Variants in INTU observed in about 807,000 individuals in gnomAD.
INTU encodes the protein protein inturned.
Under a neutral mutation model 100.5 loss-of-function variants are expected in INTU, and 68 were observed. The ratio of observed to expected loss-of-function variants is 0.68; its 90% CI spans 0.56 to 0.83. The LOEUF (loss-of-function observed/expected upper bound fraction) is 0.83, where lower values mean the gene tolerates loss of function less well. INTU is among the 40% of genes least tolerant of loss of function. INTU has a pLI of 0.00. For missense variants in INTU, 1,071 were observed against 1,114.7 expected, an observed-to-expected ratio of 0.96 and a Z score of 0.56; for synonymous variants, 357 against 395.7, an observed-to-expected ratio of 0.90 and a Z score of 1.16.
chr4:127,640,143 A>AT (rs1727245834), intron 1 of INTU, among the ~76,000 whole-genome samples: 1 of 152,248 alleles, frequency 6.6e-6, no homozygotes, highest in Admixed American at 6.5e-5. Flanking sequence ...GGGAACTGAT[A>AT]TTTATTTGGA....
Position 127,725,214 on chromosome 4 carries a change from G to C in INTU, c.*8778G>C, listed in dbSNP as rs998049330. On this transcript the variant is annotated 3_prime_UTR_variant, in exon 16 of 16. Coordinates refer to ENST00000335251, the MANE Select transcript of INTU (RefSeq NM_015693.4). ...CCCAGCTACTTGGGAGGCTGAGGCA[G>C]GAGAATCACTTGAACCCAGGAAGCA... The C allele has an allele frequency of 1.3e-5, 2 of 152,234 alleles. No individual in the cohort carries two copies. The highest frequency in any genetic ancestry group is 4.8e-5 in the African/African-American group (2 of 41,380). The allele number at this position is 152,234 out of a possible 1,614,324, so 9.4% of individuals were successfully genotyped here. A position where few individuals can be genotyped will look rare whatever the true frequency, so the allele number is the denominator to read the frequency against.
At position 127,706,746 on chromosome 4, in the gene INTU, C is replaced by T. The variant is rs1484327313; in HGVS notation, c.2048C>T (p.Thr683Ile). ...TSPILSRLQG[T>I]SKVATSPTCR... ...CCTATTCTCAGTAGGCTACAAGGTA[C>T]TTCCAAAGTAGCAACTTCTCCAACA... The change falls in exon 12 of 16, where the codon ACT (threonine) becomes ATT (isoleucine). Residue 683 changes from threonine (T) to isoleucine (I), a missense_variant. Physicochemically the swap from Thr to Ile is moderately conservative, Grantham distance 89. Coordinates refer to ENST00000335251, the MANE Select transcript of INTU (RefSeq NM_015693.4). 6.2e-7 allele frequency: 1 copy of T among 1,614,112 alleles called. No individual in the cohort carries two copies. The highest frequency in any genetic ancestry group is 1.1e-5 in the South Asian group (1 of 91,080).
chr4:127,665,919 G>GA (rs1728676621), intron 4 of INTU, among the ~76,000 whole-genome samples: 1 of 152,150 alleles, frequency 6.6e-6, no homozygotes, highest in Non-Finnish European at 1.5e-5. Context: ...GAATACGTGG[G>GA]ATTGCTTGTG....
In INTU at chr4:127,706,592, C is replaced by T; in HGVS notation, c.1894C>T (p.Leu632Phe). 6.2e-7 allele frequency: 1 copy of T among 1,614,070 alleles called. No individual in the cohort carries two copies. The highest frequency in any genetic ancestry group is 8.5e-7 in the Non-Finnish European group (1 of 1,179,964). The change falls in exon 12 of 16, where the codon CTT becomes TTT. Residue 632 changes from leucine to phenylalanine, a missense_variant. Leu to Phe is a conservative substitution (Grantham distance 22). Coordinates refer to ENST00000335251, the MANE Select transcript of INTU (RefSeq NM_015693.4). ...ATATGTGGATCAAGTCAAAACAACT[C>T]TTCACCAGCTGGATGGAGTAGATTC... ...CVYVDQVKTT[L>F]HQLDGVDSRI...
At chr4:127,633,989 C>T (rs907684305) in intron 1 of INTU, among the ~76,000 whole-genome samples, 2 of 152,134 alleles carry the variant, frequency 1.3e-5, no homozygotes, top group African/African-American at 4.8e-5. Context: ...TCAACTAACC[C>T]AGTAATGGAC....
Position 127,633,108 on chromosome 4 carries a change from A to G in INTU, c.74A>G (p.Glu25Gly). The G allele has an allele frequency of 1.2e-6, 2 of 1,614,104 alleles. No individual in the cohort carries two copies. Among genetic ancestry groups the G allele is most frequent in the Non-Finnish European group, 1.7e-6 (2 of 1,179,962 alleles). The change falls in exon 1 of 16, where the codon GAA (glutamate) becomes GGA (glycine). Residue 25 changes from glutamate (E) to glycine (G), a missense_variant. By Grantham distance (98) the Glu-to-Gly change is moderately conservative. Coordinates refer to ENST00000335251, the MANE Select transcript of INTU (RefSeq NM_015693.4). The part of the protein sequence containing the change: ...ELPGDPSSQE[E>G]DEDYDFEDRV... ...CCTGGAGACCCCTCTTCACAAGAAG[A>G]AGATGAGGACTATGATTTTGAAGAT...
chr4:127,706,518 C>T lies in INTU; in HGVS notation c.1820C>T (p.Ala607Val), dbSNP rs772336742. 1.9e-6 allele frequency: 3 copies of T among 1,613,528 alleles called. No homozygotes were observed. The highest frequency in any genetic ancestry group is 2.5e-6 in the Non-Finnish European group (3 of 1,179,612). The change falls in exon 12 of 16, where the codon GCT becomes GTT. Residue 607 changes from alanine to valine, a missense_variant. By Grantham distance (64) the Ala-to-Val change is moderately conservative. Coordinates refer to ENST00000335251, the MANE Select transcript of INTU (RefSeq NM_015693.4). ...KHYMLCVLLE[A>V]GGCASKAIGS... ...TATATGCTATGTGTACTATTAGAAG[C>T]TGGAGGTTGCGCATCCAAAGCTATT...
chr4:127,663,567 G>C lies in INTU; in HGVS notation c.955G>C (p.Glu319Gln). The change falls in exon 4 of 16, where the codon GAA (glutamate) becomes CAA (glutamine). Residue 319 changes from glutamate to glutamine, a missense_variant. Physicochemically the swap from Glu to Gln is conservative, Grantham distance 29. Transcript: ENST00000335251. The stretch of plus-strand genomic sequence containing the variant: ...GTATCTCACACTACAGCTCGACTCA[G>C]AAACCTCAAAGGAAGAGGTGAGTGT... ...IMYLTLQLDS[E>Q]TSKEEQEILY... The C allele has an allele frequency of 6.2e-7, 1 of 1,613,078 alleles. No individual in the cohort carries two copies. The highest frequency in any genetic ancestry group is 1.1e-5 in the South Asian group (1 of 91,008).
chr4:127,646,631 C>T (rs1727601790), intron 2 of INTU, among the ~76,000 whole-genome samples: 2 of 152,212 alleles, frequency 1.3e-5, no homozygotes, highest in Admixed American at 1.3e-4. Context: ...AGCTCCCCCT[C>T]ACCTCTGGTA....
chr4:127,725,230 C>G lies in INTU; in HGVS notation c.*8794C>G, dbSNP rs1231762343. On this transcript the variant is annotated 3_prime_UTR_variant, in exon 16 of 16. Transcript: ENST00000335251. Reference sequence around the variant, plus strand: ...GCTGAGGCAGGAGAATCACTTGAACCCAGGAAGCAGAGGCTGCAGTGAGCC... The same window carrying G: ...GCTGAGGCAGGAGAATCACTTGAACGCAGGAAGCAGAGGCTGCAGTGAGCC... 6.6e-6 allele frequency: 1 copy of G among 152,138 alleles called. No individual in the cohort carries two copies. The highest frequency in any genetic ancestry group is 1.9e-4 in the East Asian group (1 of 5,196). 9.4% of individuals were successfully genotyped at this position (152,138 alleles called of 1,614,324 possible). A position where few individuals can be genotyped will look rare whatever the true frequency, so the allele number is the denominator to read the frequency against.
chr4:127,692,032 T>A (rs1730168359), intron 8 of INTU, among the ~76,000 whole-genome samples: 1 of 148,700 alleles, frequency 6.7e-6, no homozygotes, highest in Non-Finnish European at 1.5e-5. Flanking sequence ...GGTTCCATAT[T>A]TTTGTAATTG....
At chr4:127,672,364 G>A (rs543981593) in intron 5 of INTU, among the ~76,000 whole-genome samples, 1 of 151,828 alleles carries the variant, frequency 6.6e-6, no homozygotes, top group Admixed American at 6.6e-5. Flanking sequence ...ATCATATAAT[G>A]TGTGGCTATT....
In INTU at chr4:127,652,390, G is replaced by A. The variant is rs540562116; in HGVS notation, c.683-4246G>A. On this transcript the variant is annotated intron_variant, in intron 2 of 15. Coordinates refer to ENST00000335251, the MANE Select transcript of INTU (RefSeq NM_015693.4). ...GATAGCTCTTATTATTTTGAAATAC[G>A]TCCCATCAATACCTAATTTATTGAG... is the stretch of plus-strand genomic sequence containing the variant. Among the ~76,000 whole-genome samples the A allele has an allele frequency of 3.0e-3, 449 of 148,180 alleles. 16 individuals are homozygous for A. Among genetic ancestry groups the A allele is most frequent in the Admixed American group, 0.028 (418 of 14,850 alleles).
intron 6 of INTU, among the ~76,000 whole-genome samples, chr4:127,682,631 GTA>G (rs919884145): frequency 2.7e-5 from 4 of 149,188 alleles, no homozygotes; most frequent in Admixed American, 6.7e-5. Context: ...GCTTTAGGAG[GTA>G]TACCTAATGC....
Position 127,643,779 on chromosome 4 carries a change from C to G in INTU, c.405C>G (p.Asp135Glu). 6.2e-7 allele frequency: 1 copy of G among 1,614,034 alleles called. No homozygotes were observed. The highest frequency in any genetic ancestry group is 8.5e-7 in the Non-Finnish European group (1 of 1,180,006). ...PKRCNKKNSN[D>E]NGPVSILKHQ... Reference sequence around the variant, plus strand: ...GCTGCAATAAAAAAAATAGCAATGACAATGGACCAGTATCCATTCTAAAGC... The same window carrying G: ...GCTGCAATAAAAAAAATAGCAATGAGAATGGACCAGTATCCATTCTAAAGC... Residue 135 changes from aspartate to glutamate, a missense_variant, in exon 2 of 16, where the codon GAC (aspartate) becomes GAG (glutamate). Physicochemically the swap from Asp to Glu is conservative, Grantham distance 45 (BLOSUM62 2). Coordinates refer to ENST00000335251, the MANE Select transcript of INTU (RefSeq NM_015693.4).
Position 127,646,664 on chromosome 4 carries a change from G to C in INTU, c.682+2608G>C, listed in dbSNP as rs565122556. 3.9e-5 allele frequency among the ~76,000 whole-genome samples: 6 copies of C among 152,200 alleles called. No individual in the cohort carries two copies. In the South Asian group the frequency reaches 1.2e-3, roughly 32 times the overall value. ...GTAACCTTGACATATGGTTTAGACA[G>C]GAAAGGCAGGATAAATGTCTGATTT... is the stretch of plus-strand genomic sequence containing the variant. On this transcript the variant is annotated intron_variant, in intron 2 of 15. Transcript: ENST00000335251.
At position 127,706,823 on chromosome 4, in the gene INTU, C is replaced by G; in HGVS notation, c.2125C>G (p.Pro709Ala). Reference protein sequence around the residue: ...DYSLKTRKPSPSCSSGGSDNG... With the variant: ...DYSLKTRKPSASCSSGGSDNG... Reference sequence around the variant, plus strand: ...TTCCTTAAAGACACGCAAGCCTAGTCCTTCCTGTAGTAGTGGAGGATCTGA... The same window carrying G: ...TTCCTTAAAGACACGCAAGCCTAGTGCTTCCTGTAGTAGTGGAGGATCTGA... The change falls in exon 12 of 16, where the codon CCT (proline) becomes GCT (alanine). Residue 709 changes from proline (P) to alanine (A), a missense_variant. Physicochemically the swap from Pro to Ala is conservative, Grantham distance 27. Coordinates refer to ENST00000335251, the MANE Select transcript of INTU (RefSeq NM_015693.4). 6.2e-7 allele frequency: 1 copy of G among 1,614,102 alleles called. No homozygotes were observed. Among genetic ancestry groups the G allele is most frequent in the Non-Finnish European group, 8.5e-7 (1 of 1,179,990 alleles).
intron 13 of INTU, among the ~76,000 whole-genome samples, chr4:127,709,006 C>G (rs142454526): frequency 6.6e-6 from 1 of 152,014 alleles, no homozygotes; most frequent in African/African-American, 2.4e-5. Context: ...GTGTGCTGTC[C>G]AGTTACACCT....
intron 8 of INTU, among the ~76,000 whole-genome samples, chr4:127,698,184 G>T (rs1730480083): frequency 6.6e-6 from 1 of 151,928 alleles, no homozygotes; most frequent in Non-Finnish European, 1.5e-5. Context: ...TGTAATCCCA[G>T]CACTTTGGGA....
Sources: allele counts gnomAD v4.1 joint callset (sites outside exome capture counted in the v4.1 genomes callset), GRCh38; gene constraint gnomAD v4.1.1; transcripts MANE v1.5; gene names NCBI Gene and HGNC (gene_info 2026-07-23, HGNC 2026-07-21).